Variants in STT3B observed in about 807,000 individuals in gnomAD.
The protein encoded by STT3B is dolichyl-diphosphooligosaccharide--protein glycosyltransferase subunit STT3B.
A neutral mutation model predicts 96.8 loss-of-function variants in STT3B; 29 were observed. The ratio of observed to expected loss-of-function variants is 0.30; its 90% confidence interval spans 0.22 to 0.41. STT3B has a LOEUF of 0.41. Ranked by LOEUF, STT3B falls within the 10% of genes least tolerant of loss-of-function variation. STT3B has a pLI of 1.00. For synonymous variants in STT3B, 367 were observed against 360.0 expected, an observed-to-expected ratio of 1.02 and a Z score of -0.22; for missense variants, 640 against 1,022.3, an observed-to-expected ratio of 0.63 and a Z score of 5.10.
At chr3:31,582,545 G>A (rs1575425505) in intron 3 of STT3B, among the ~76,000 whole-genome samples, 3 of 151,758 alleles carry the variant, frequency 2.0e-5, no homozygotes, top group African/African-American at 4.8e-5. Flanking sequence ...CACCCACCTC[G>A]GCCTCCCAAA....
chr3:31,567,174 A>G (rs908828784), intron 1 of STT3B, among the ~76,000 whole-genome samples: 1 of 152,194 alleles, frequency 6.6e-6, no homozygotes, highest in African/African-American at 2.4e-5. Context: ...AACTCAGAGC[A>G]AATTAGGACC....
chr3:31,579,477 TAAAA>T (rs1173591549), intron 2 of STT3B, among the ~76,000 whole-genome samples: 3,734 of 67,422 alleles, frequency 0.055, 159 homozygotes, highest in East Asian at 0.36. Flanking sequence ...CCTGTTTTGA[TAAAA>T]AAAAAAAAAA....
chr3:31,635,780 T>A (rs142471121), intron 15 of STT3B, among the ~76,000 whole-genome samples: 84 of 152,312 alleles, frequency 5.5e-4, no homozygotes, highest in African/African-American at 2.0e-3. Context: ...AACCTAGTCC[T>A]TTCACTTTGA....
At position 31,623,679 on chromosome 3, in the gene STT3B, T is replaced by C. The variant is rs780185293; in HGVS notation, c.1545T>C (p.Gly515=). 9 of 1,606,904 alleles carry C rather than the reference T, an allele frequency of 5.6e-6. No homozygotes were observed. In the South Asian group the frequency reaches 8.9e-5, roughly 16 times the overall value. The change falls in exon 11 of 16, where the codon GGT becomes GGC. Residue 515 remains glycine (G), a synonymous_variant. Transcript: ENST00000295770. ...AATTTTTTTAATATCTTTAGGCAGGTAAAGTGAGGAAACATGCAACTGAAC... is the reference window on the plus strand; with the variant it reads ...AATTTTTTTAATATCTTTAGGCAGGCAAAGTGAGGAAACATGCAACTGAAC... ...RNQGNLYDKA[G]KVRKHATEQE... is the part of the protein sequence containing the mutation.
At chr3:31,550,695 G>A (rs1697529661) in intron 1 of STT3B, among the ~76,000 whole-genome samples, 1 of 152,108 alleles carries the variant, frequency 6.6e-6, no homozygotes, top group South Asian at 2.1e-4. Context: ...CATATTTTAA[G>A]TTATAAAATT....
intron 1 of STT3B, among the ~76,000 whole-genome samples, chr3:31,550,252 T>G (rs1029816026): frequency 7.9e-5 from 12 of 152,240 alleles, no homozygotes; most frequent in Non-Finnish European, 1.5e-4. Context: ...CTTTTTTGAT[T>G]TGCACATGCA....
chr3:31,605,136 A>G (rs1224872937), intron 5 of STT3B, among the ~76,000 whole-genome samples: 1 of 152,194 alleles, frequency 6.6e-6, no homozygotes, highest in African/African-American at 2.4e-5. Flanking sequence ...TCAAGAGGCT[A>G]AGAGAGGTGA....
At chr3:31,629,539 C>CT (rs761751509) in intron 14 of STT3B, 128 bp downstream of exon 14, 4 of 495,620 alleles carry the variant, frequency 8.1e-6, no homozygotes, top group African/African-American at 2.0e-5. Context: ...TCTAAATAGT[C>CT]TTTTTTTCAT....
At chr3:31,561,807 T>TA (rs1238886289) in intron 1 of STT3B, among the ~76,000 whole-genome samples, 3 of 152,212 alleles carry the variant, frequency 2.0e-5, no homozygotes, top group Non-Finnish European at 4.4e-5. Flanking sequence ...TTCCTGAAGA[T>TA]ATATGTATGG....
chr3:31,566,753 A>G (rs931882677), intron 1 of STT3B, among the ~76,000 whole-genome samples: 1 of 151,978 alleles, frequency 6.6e-6, no homozygotes, highest in Non-Finnish European at 1.5e-5. Flanking sequence ...TCTTTTATTT[A>G]TCTGAATCTT....
intron 1 of STT3B, among the ~76,000 whole-genome samples, chr3:31,533,914 A>G (rs1697017125): frequency 6.6e-6 from 1 of 152,188 alleles, no homozygotes; most frequent in Non-Finnish European, 1.5e-5. Context: ...GAGAAGGGAA[A>G]AGGAGAGTGA....
At chr3:31,579,004 C>T (rs888033622) in intron 2 of STT3B, among the ~76,000 whole-genome samples, 2 of 151,782 alleles carry the variant, frequency 1.3e-5, no homozygotes, top group Non-Finnish European at 2.9e-5. Context: ...TTAGGACTTA[C>T]CTAAGGGAGC....
intron 1 of STT3B, among the ~76,000 whole-genome samples, chr3:31,562,001 A>G (rs763332072): frequency 6.6e-6 from 1 of 152,084 alleles, no homozygotes; most frequent in Non-Finnish European, 1.5e-5. Context: ...ACCAGGTGTA[A>G]CAGTCTTTTG....
At chr3:31,595,685 G>T (rs1235640489) in intron 3 of STT3B, among the ~76,000 whole-genome samples, 1 of 152,094 alleles carries the variant, frequency 6.6e-6, no homozygotes, top group Non-Finnish European at 1.5e-5. Context: ...ATGGTATATT[G>T]GTTACTTGCT....
chr3:31,612,079 AAT>A (rs1435073148), intron 5 of STT3B, among the ~76,000 whole-genome samples: 1 of 152,182 alleles, frequency 6.6e-6, no homozygotes, highest in Non-Finnish European at 1.5e-5. Context: ...TCTGAGCACC[AAT>A]ATGATTCTCA....
At chr3:31,608,132 G>A (rs1244565294) in intron 5 of STT3B, among the ~76,000 whole-genome samples, 1 of 152,100 alleles carries the variant, frequency 6.6e-6, no homozygotes, top group Non-Finnish European at 1.5e-5. Flanking sequence ...TAATTGTTTT[G>A]CCTTTACTGT....
Position 31,623,699 on chromosome 3 carries a change from C to T in STT3B, c.1565C>T (p.Thr522Ile). 1 of 1,612,122 alleles carries T rather than the reference C, an allele frequency of 6.2e-7. No individual in the cohort carries two copies. Among genetic ancestry groups the T allele is most frequent in the Non-Finnish European group, 8.5e-7 (1 of 1,178,790 alleles). Residue 522 changes from threonine to isoleucine, a missense_variant, in exon 11 of 16, where the codon ACT (threonine) becomes ATT (isoleucine). Thr to Ile is a moderately conservative substitution (Grantham distance 89). This residue lies in a region of STT3B where 149 missense variants were observed against 250.2 expected (regional missense o/e 0.60). Coordinates refer to ENST00000295770, the MANE Select transcript of STT3B (RefSeq NM_178862.3). ...GCAGGTAAAGTGAGGAAACATGCAA[C>T]TGAACAGGAAAAAACTGAAGAGGGA... ...DKAGKVRKHA[T>I]EQEKTEEGLG...
rs776862589 is a variant in STT3B at position 31,624,985 on chromosome 3, G to A, written c.1799G>A (p.Arg600Gln). Residue 600 changes from arginine (R) to glutamine (Q), a missense_variant, in exon 12 of 16, where the codon CGA becomes CAA. Physicochemically the swap from Arg to Gln is conservative, Grantham distance 43. This residue lies in a region of STT3B where 149 missense variants were observed against 250.2 expected (regional missense o/e 0.60). Coordinates refer to ENST00000295770, the MANE Select transcript of STT3B (RefSeq NM_178862.3). ...AGGCAAAATACAGATGAACATGCAC[G>A]AGTAATGTCTTGGTGGGATTATGGC... Reference protein sequence around the residue: ...WLRQNTDEHARVMSWWDYGYQ... With the variant: ...WLRQNTDEHAQVMSWWDYGYQ... 5 of 1,613,676 alleles carry A rather than the reference G, an allele frequency of 3.1e-6. No individual in the cohort carries two copies. Among genetic ancestry groups the A allele is most frequent in the South Asian group, 2.2e-5 (2 of 91,060 alleles).
At chr3:31,559,323 T>TA (rs1293510157) in intron 1 of STT3B, among the ~76,000 whole-genome samples, 7 of 145,238 alleles carry the variant, frequency 4.8e-5, no homozygotes, top group African/African-American at 7.9e-5. Context: ...TTTTTTTTTT[T>TA]ATGTAGGTGT....
Sources: gnomAD v4.1 joint callset for allele counts (sites outside exome capture counted in the v4.1 genomes callset) on GRCh38, gnomAD v4.1.1 for gene constraint, gnomAD v4.1.1 regional missense constraint, MANE v1.5 for transcripts, NCBI Gene and HGNC (gene_info 2026-07-23, HGNC 2026-07-21) for gene names.